SLC9A2: variants seen among roughly 807,000 people sequenced by gnomAD.
SLC9A2 encodes the protein solute carrier family 9 member A2.
Under a neutral mutation model 71.7 loss-of-function variants are expected in SLC9A2, and 42 were observed. The ratio of observed to expected loss-of-function variants is 0.59; its 90% CI spans 0.46 to 0.76. The LOEUF (loss-of-function observed/expected upper bound fraction) is 0.76, where lower values mean the gene tolerates loss of function less well. Ranked by LOEUF, SLC9A2 falls within the 30% of genes least tolerant of loss-of-function variation. The pLI, the probability that SLC9A2 is intolerant of heterozygous loss-of-function variation, is 0.00. For synonymous variants in SLC9A2, 396 were observed against 392.5 expected, an observed-to-expected ratio of 1.01 and a Z score of -0.10; for missense variants, 829 against 1,017.4, an observed-to-expected ratio of 0.81 and a Z score of 2.52.
At chr2:102,666,820 A>C (rs544210564) in intron 3 of SLC9A2, among the ~76,000 whole-genome samples, 5 of 151,666 alleles carry the variant, frequency 3.3e-5, no homozygotes, top group African/African-American at 1.2e-4. Flanking sequence ...TTTTTTTTTT[A>C]CTTTGACAAA....
chr2:102,657,343 A>C (rs1196105040), intron 1 of SLC9A2, among the ~76,000 whole-genome samples: 1 of 152,240 alleles, frequency 6.6e-6, no homozygotes, highest in Non-Finnish European at 1.5e-5. Context: ...TAGCACTCCA[A>C]TTTTAATGTA....
At chr2:102,625,848 G>C (rs1053818331) in intron 1 of SLC9A2, among the ~76,000 whole-genome samples, 4 of 152,132 alleles carry the variant, frequency 2.6e-5, no homozygotes, top group African/African-American at 4.8e-5. Flanking sequence ...TAATGGGATG[G>C]CTGGGTCAAA....
At chr2:102,644,834 G>A (rs1440529105) in intron 1 of SLC9A2, among the ~76,000 whole-genome samples, 1 of 152,206 alleles carries the variant, frequency 6.6e-6, no homozygotes, top group Non-Finnish European at 1.5e-5. Context: ...AACTCCCTGG[G>A]ACAGAGCACC....
Position 102,619,742 on chromosome 2 carries a change from C to T in SLC9A2, c.-107C>T. 2.8e-6 allele frequency: 3 copies of T among 1,063,908 alleles called. No homozygotes were observed. The highest frequency in any genetic ancestry group is 3.8e-5 in the Admixed American group (1 of 26,598). 65.9% of individuals were successfully genotyped at this position (1,063,908 alleles called of 1,614,324 possible). A position where few individuals can be genotyped will look rare whatever the true frequency, so the allele number is the denominator to read the frequency against. On this transcript the variant is annotated 5_prime_UTR_variant, in exon 1 of 12. Coordinates refer to ENST00000233969, the MANE Select transcript of SLC9A2 (RefSeq NM_003048.6). The surrounding 1 kb of genome is among the most constrained non-coding windows in gnomAD (Gnocchi z 4.3). ...AGCAGCGGCGGGTGGCTGTCGCTGC[C>T]CTGCCCTGCACGGGGCAGGGCGGAG...
intron 5 of SLC9A2, among the ~76,000 whole-genome samples, chr2:102,688,802 T>G (rs1273992812): frequency 6.6e-6 from 1 of 152,166 alleles, no homozygotes; most frequent in Non-Finnish European, 1.5e-5. Context: ...TTCAATATAT[T>G]TTTCTTTGGA....
At chr2:102,667,125 G>T (rs1207113561) in intron 3 of SLC9A2, among the ~76,000 whole-genome samples, 1 of 152,228 alleles carries the variant, frequency 6.6e-6, no homozygotes, top group African/African-American at 2.4e-5. Flanking sequence ...GTTTCACAGA[G>T]AAACCTAAAT....
chr2:102,647,097 A>C (rs901225203), intron 1 of SLC9A2, among the ~76,000 whole-genome samples: 1 of 152,170 alleles, frequency 6.6e-6, no homozygotes, highest in Non-Finnish European at 1.5e-5. Context: ...AAGAATGGAA[A>C]TCATAGCAAT....
chr2:102,684,065 A>G (rs1677504151), intron 4 of SLC9A2, 69 bp from the exon 5 acceptor site: 1 of 1,136,094 alleles, frequency 8.8e-7, no homozygotes, highest in Non-Finnish European at 1.3e-6. Context: ...AGCACAGAAA[A>G]TGAGTCTATG....
chr2:102,650,851 T>C (rs1463457041), intron 1 of SLC9A2, among the ~76,000 whole-genome samples: 1 of 152,200 alleles, frequency 6.6e-6, no homozygotes, highest in African/African-American at 2.4e-5. Flanking sequence ...TCTTCTCTAG[T>C]GCTCCCTAGA....
In SLC9A2 at chr2:102,702,413, C is replaced by T. The variant is rs267598817; in HGVS notation, c.1756C>T (p.Arg586Cys). Residue 586 changes from arginine to cysteine, a missense_variant, in exon 9 of 12, where the codon CGT becomes TGT. This residue lies in a region of SLC9A2 where 500 missense variants were observed against 726.3 expected (regional missense o/e 0.69). Transcript: ENST00000233969. ...TTTTCTAAACTTTCACAGTGATTGT[C>T]GTGAAGAAAAAATAAGGAAGGTCAC... ...VPTFASLNDC[R>C]EEKIRKVTSS... 9 of 1,564,530 alleles carry T rather than the reference C, an allele frequency of 5.8e-6. No individual in the cohort carries two copies. Among genetic ancestry groups the T allele is most frequent in the African/African-American group, 5.5e-5 (4 of 73,040 alleles).
intron 11 of SLC9A2, among the ~76,000 whole-genome samples, chr2:102,707,012 T>A (rs890351804): frequency 1.3e-5 from 2 of 152,132 alleles, no homozygotes; most frequent in African/African-American, 4.8e-5. Context: ...CCAAATACCA[T>A]ATATTTTCAC....
chr2:102,697,622 A>G (rs990847638), intron 7 of SLC9A2, among the ~76,000 whole-genome samples: 1 of 146,164 alleles, frequency 6.8e-6, no homozygotes, highest in African/African-American at 2.5e-5. Flanking sequence ...TGCTCTACCT[A>G]TGATATACAG....
chr2:102,646,646 C>G (rs1676728084), intron 1 of SLC9A2, among the ~76,000 whole-genome samples: 1 of 151,758 alleles, frequency 6.6e-6, no homozygotes, highest in South Asian at 2.1e-4. Context: ...ACAAAAAAAG[C>G]AGGGGTTGCA....
chr2:102,636,976 T>G (rs1490739435), intron 1 of SLC9A2, among the ~76,000 whole-genome samples: 2 of 152,030 alleles, frequency 1.3e-5, no homozygotes, highest in African/African-American at 4.8e-5. Context: ...AACCCCTTCA[T>G]CAGATTGTGT....
chr2:102,707,967 GCCACT>G (rs1462589690), intron 11 of SLC9A2, 147 bp from the exon 12 acceptor site: 6 of 760,892 alleles, frequency 7.9e-6, no homozygotes, highest in Admixed American at 7.7e-5. Flanking sequence ...GATGCACAAG[GCCACT>G]CACCTAAAAT....
chr2:102,625,680 A>C (rs940457542), intron 1 of SLC9A2, among the ~76,000 whole-genome samples: 21 of 152,124 alleles, frequency 1.4e-4, no homozygotes, highest in South Asian at 6.2e-4. Flanking sequence ...ATAGTATTCC[A>C]TGGTGTATAT....
In SLC9A2 at chr2:102,657,665, A is replaced by T; in HGVS notation, c.391A>T (p.Lys131Ter). Residue 131 changes from lysine (K) to a stop codon, truncating the protein, a stop_gained, in exon 2 of 12, where the codon AAG (lysine) becomes TAG (stop). Transcript: ENST00000233969. LOFTEE classifies it high-confidence loss of function. ...TGGGATTATTTTTGGTGTTGATGAGAAGTCTCCCCCTGCAATGAAGACTGA... is the reference window on the plus strand; with the variant it reads ...TGGGATTATTTTTGGTGTTGATGAGTAGTCTCCCCCTGCAATGAAGACTGA... Reference protein sequence around the residue: ...LGGIIFGVDEKSPPAMKTDVF... With the variant: ...LGGIIFGVDE 6.2e-7 allele frequency: 1 copy of T among 1,613,876 alleles called. No individual in the cohort carries two copies. The highest frequency in any genetic ancestry group is 1.1e-5 in the South Asian group (1 of 91,066).
At chr2:102,645,392 C>A (rs1470974462) in intron 1 of SLC9A2, among the ~76,000 whole-genome samples, 3 of 152,110 alleles carry the variant, frequency 2.0e-5, no homozygotes, top group African/African-American at 7.2e-5. Context: ...AATGCCTCTT[C>A]TCCTCCAAAT....
intron 5 of SLC9A2, among the ~76,000 whole-genome samples, chr2:102,692,132 A>G (rs1677676201): frequency 6.6e-6 from 1 of 152,252 alleles, no homozygotes; most frequent in Non-Finnish European, 1.5e-5. Context: ...GAAATTACAG[A>G]ACATGTGTTG....
Sources: allele counts gnomAD v4.1 joint callset (sites outside exome capture counted in the v4.1 genomes callset), GRCh38; gene constraint gnomAD v4.1.1; regional missense constraint gnomAD v4.1.1; non-coding constraint Gnocchi (gnomAD v3.1); transcripts MANE v1.5; gene names NCBI Gene and HGNC (gene_info 2026-07-23, HGNC 2026-07-21).